The following CPED1 variants were observed in gnomAD, a reference collection of about 807,000 sequenced individuals.
CPED1 encodes the protein cadherin-like and PC-esterase domain-containing protein 1.
CPED1 carries 114 observed loss-of-function variants against 128.2 expected under a neutral mutation model. The ratio of observed to expected loss-of-function variants is 0.89; its 90% confidence interval spans 0.76 to 1.04. The LOEUF (loss-of-function observed/expected upper bound fraction) is 1.04. Ranked by LOEUF, CPED1 falls within the 50% of genes least tolerant of loss-of-function variation. The pLI, the probability that CPED1 is intolerant of heterozygous loss-of-function variation, is 0.00. For missense variants in CPED1, 1,211 were observed against 1,207.1 expected, an observed-to-expected ratio of 1.00 and a Z score of -0.05; for synonymous variants, 462 against 426.7, an observed-to-expected ratio of 1.08 and a Z score of -1.02.
chr7:121,126,060 A>G (rs556529793), intron 9 of CPED1, among the ~76,000 whole-genome samples, 168 bp downstream of exon 9: 97 of 152,276 alleles, frequency 6.4e-4, no homozygotes, highest in Non-Finnish European at 1.1e-3. Flanking sequence ...TAGTATGTGG[A>G]GAATCTATGA....
At chr7:121,190,671 TAAAG>T (rs1023962865) in intron 16 of CPED1, among the ~76,000 whole-genome samples, 125 of 152,122 alleles carry the variant, frequency 8.2e-4, no homozygotes, top group African/African-American at 2.6e-3. Flanking sequence ...AACTAGAAAA[TAAAG>T]AAAGAAATAA....
At chr7:121,035,492 CT>C (rs1029283538) in intron 3 of CPED1, among the ~76,000 whole-genome samples, 1 of 151,936 alleles carries the variant, frequency 6.6e-6, no homozygotes, top group African/African-American at 2.4e-5. Context: ...TGAAGATGTC[CT>C]TATGCCTTCT....
At chr7:121,074,073 T>C (rs1173906284) in intron 5 of CPED1, among the ~76,000 whole-genome samples, 3 of 152,124 alleles carry the variant, frequency 2.0e-5, no homozygotes. Flanking sequence ...GAGTACTGTG[T>C]ATAATGAGCC....
chr7:121,059,128 C>A (rs893119037), intron 4 of CPED1, among the ~76,000 whole-genome samples: 1 of 152,072 alleles, frequency 6.6e-6, no homozygotes, highest in Admixed American at 6.6e-5. Flanking sequence ...TGTATCTCAC[C>A]GCAAGTAGAC....
intron 16 of CPED1, among the ~76,000 whole-genome samples, chr7:121,222,338 A>G (rs541942596): frequency 1.3e-5 from 2 of 152,284 alleles, no homozygotes; most frequent in South Asian, 2.1e-4. Flanking sequence ...TACCAGTACC[A>G]TGCTGTTTTG....
intron 18 of CPED1, among the ~76,000 whole-genome samples, chr7:121,263,133 C>G (rs1420061843): frequency 6.6e-6 from 1 of 152,066 alleles, no homozygotes; most frequent in African/African-American, 2.4e-5. Context: ...GCTTCCTTCT[C>G]CCATTCAGGT....
At chr7:121,146,114 G>A (rs1052601018) in intron 16 of CPED1, among the ~76,000 whole-genome samples, 30 of 152,082 alleles carry the variant, frequency 2.0e-4, no homozygotes, top group African/African-American at 6.5e-4. Flanking sequence ...GAACAGAAAT[G>A]TATTTCCTTT....
chr7:121,165,023 C>T (rs571512247), intron 16 of CPED1, among the ~76,000 whole-genome samples: 1 of 152,216 alleles, frequency 6.6e-6, no homozygotes, highest in African/African-American at 2.4e-5. Flanking sequence ...TCTTCTTGAA[C>T]TCTCTGAAAT....
At chr7:121,273,297 T>G (rs1584646946) in intron 22 of CPED1, among the ~76,000 whole-genome samples, 3 of 151,764 alleles carry the variant, frequency 2.0e-5, no homozygotes, top group Non-Finnish European at 2.9e-5. Context: ...CTGAGGCGGG[T>G]GGATCACTTG....
At chr7:121,037,791 TTA>T (rs951601993) in intron 3 of CPED1, among the ~76,000 whole-genome samples, 1 of 152,184 alleles carries the variant, frequency 6.6e-6, no homozygotes, top group African/African-American at 2.4e-5. Context: ...TTTCATTTGT[TTA>T]TGTCATCTAT....
At chr7:120,991,896 G>A (rs1796315317) in intron 2 of CPED1, among the ~76,000 whole-genome samples, 1 of 152,098 alleles carries the variant, frequency 6.6e-6, no homozygotes, top group African/African-American at 2.4e-5. Flanking sequence ...CCAAACATTA[G>A]CCATGTCACT....
intron 12 of CPED1, among the ~76,000 whole-genome samples, chr7:121,133,007 A>G (rs1160365173): frequency 6.6e-6 from 1 of 152,124 alleles, no homozygotes; most frequent in Non-Finnish European, 1.5e-5. Context: ...TACGCAGCAC[A>G]ATATCTGGGA....
intron 3 of CPED1, among the ~76,000 whole-genome samples, chr7:121,036,652 C>A (rs1792901458): frequency 6.6e-6 from 1 of 151,664 alleles, no homozygotes; most frequent in Non-Finnish European, 1.5e-5. Context: ...TGGGTAGATA[C>A]CTAGTAGTGG....
intron 4 of CPED1, among the ~76,000 whole-genome samples, chr7:121,052,842 T>G (rs934500137): frequency 2.0e-5 from 3 of 152,096 alleles, no homozygotes; most frequent in African/African-American, 7.2e-5. Flanking sequence ...CACGCTCAGC[T>G]TCCCAAGTAG....
At chr7:121,253,681 A>G (rs547155369) in intron 18 of CPED1, among the ~76,000 whole-genome samples, 43 of 152,122 alleles carry the variant, frequency 2.8e-4, no homozygotes, top group Middle Eastern at 3.4e-3. Context: ...TCTTCAAGAG[A>G]CCCATCTTGA....
Position 121,167,725 on chromosome 7 carries a change from ATTTTTT to A in CPED1, c.2055+25603_2055+25608del, listed in dbSNP as rs10588976. Among the ~76,000 whole-genome samples, 531 of 99,206 alleles carry A rather than the reference ATTTTTT, an allele frequency of 5.4e-3. 3 individuals are homozygous for A. The East Asian group carries it at 0.065, about 12-fold the overall frequency. The allele number at this position is 99,206 out of a possible 152,430, so 65.1% of individuals were successfully genotyped here. A position where few individuals can be genotyped will look rare whatever the true frequency, so the allele number is the denominator to read the frequency against. ...AATTTTAGTTTACCTTTTAAAGTCT[ATTTTTT>A]TTTTTTTTTTTTTTTTTTGAGATGG... On this transcript the variant is annotated intron_variant, in intron 16 of 22. Coordinates refer to ENST00000310396, the MANE Select transcript of CPED1 (RefSeq NM_024913.5).
At chr7:121,240,765 TAA>T (rs71170235) in intron 17 of CPED1, among the ~76,000 whole-genome samples, 2 of 93,788 alleles carry the variant, frequency 2.1e-5, no homozygotes, top group Non-Finnish European at 3.9e-5. Context: ...CCTCTTCTGT[TAA>T]AAAAAAAAAA....
chr7:121,244,037 TA>T (rs1309206450), intron 17 of CPED1, among the ~76,000 whole-genome samples, 164 bp from the exon 18 acceptor site: 1 of 152,270 alleles, frequency 6.6e-6, no homozygotes, highest in Non-Finnish European at 1.5e-5. Flanking sequence ...GTTGCTATTC[TA>T]TTTGGTTGGC....
intron 18 of CPED1, among the ~76,000 whole-genome samples, chr7:121,245,569 A>C (rs897061434): frequency 6.6e-6 from 1 of 151,812 alleles, no homozygotes; most frequent in African/African-American, 2.4e-5. Flanking sequence ...AATAAATTAA[A>C]AGTGTATTTA....
Sources: gnomAD v4.1 joint callset for allele counts (sites outside exome capture counted in the v4.1 genomes callset) on GRCh38, gnomAD v4.1.1 for gene constraint, MANE v1.5 for transcripts, NCBI Gene and HGNC (gene_info 2026-07-23, HGNC 2026-07-21) for gene names.